KCNMB2: variants seen among roughly 807,000 people sequenced by gnomAD.
The protein encoded by KCNMB2 is potassium calcium-activated channel subfamily M regulatory beta subunit 2.
KCNMB2 carries 9 observed loss-of-function variants against 24.5 expected under a neutral mutation model. The observed-to-expected ratio is 0.37, with a 90% CI of 0.22 to 0.64. The LOEUF (loss-of-function observed/expected upper bound fraction) is 0.64. Among genes scored for constraint, KCNMB2 ranks in the 30% least tolerant of loss-of-function variants. The pLI is 0.63. For synonymous variants in KCNMB2, 109 were observed against 104.4 expected (o/e 1.04, Z -0.27); for missense variants, 226 against 284.3 (o/e 0.79, Z 1.47).
intron 1 of KCNMB2, among the ~76,000 whole-genome samples, chr3:178,623,992 A>G (rs1250631170): frequency 6.6e-6 from 1 of 152,202 alleles, no homozygotes; most frequent in Non-Finnish European, 1.5e-5. Flanking sequence ...GGTATGATAA[A>G]TTACATCAGA....
At chr3:178,637,172 C>A (rs1181446972) in intron 1 of KCNMB2, among the ~76,000 whole-genome samples, 2 of 152,106 alleles carry the variant, frequency 1.3e-5, no homozygotes, top group African/African-American at 4.8e-5. Flanking sequence ...CATATGCAAG[C>A]ATGTATCTTT....
intron 1 of KCNMB2, among the ~76,000 whole-genome samples, chr3:178,665,748 C>T (rs139687709): frequency 7.9e-5 from 12 of 152,242 alleles, no homozygotes; most frequent in East Asian, 1.9e-4. Flanking sequence ...TTTCTATCCT[C>T]GTACAGTTTA....
chr3:178,692,451 C>G (rs1445825597), intron 1 of KCNMB2, among the ~76,000 whole-genome samples: 1 of 152,152 alleles, frequency 6.6e-6, no homozygotes, highest in Admixed American at 6.5e-5. Flanking sequence ...CAATTTCAAT[C>G]TTCTGCATTT....
chr3:178,552,596 T>C (rs528039634), intron 1 of KCNMB2, among the ~76,000 whole-genome samples: 1 of 152,338 alleles, frequency 6.6e-6, no homozygotes, highest in South Asian at 2.1e-4. Flanking sequence ...TGCTTTTCTA[T>C]AAAATCACCT....
intron 1 of KCNMB2, among the ~76,000 whole-genome samples, chr3:178,785,411 G>T (rs1312822405): frequency 6.6e-6 from 1 of 151,734 alleles, no homozygotes; most frequent in Non-Finnish European, 1.5e-5. Flanking sequence ...ATTGATAATT[G>T]CCATACAGAA....
intron 1 of KCNMB2, among the ~76,000 whole-genome samples, chr3:178,706,528 C>A (rs1232521163): frequency 6.6e-6 from 1 of 152,004 alleles, no homozygotes; most frequent in Non-Finnish European, 1.5e-5. Flanking sequence ...GCCTTGTACC[C>A]CTTTCTAATC....
At chr3:178,816,171 A>C (rs567790171) in intron 2 of KCNMB2, among the ~76,000 whole-genome samples, 1 of 152,040 alleles carries the variant, frequency 6.6e-6, no homozygotes, top group Non-Finnish European at 1.5e-5. Flanking sequence ...TTAATGATTT[A>C]TAAGTATTTG....
chr3:178,802,833 G>C (rs1258196301), intron 1 of KCNMB2, among the ~76,000 whole-genome samples: 1 of 147,266 alleles, frequency 6.8e-6, no homozygotes, highest in Non-Finnish European at 1.5e-5. Flanking sequence ...ATCACCCTAT[G>C]TCTCAGAAAA....
At chr3:178,690,275 A>G (rs956952649) in intron 1 of KCNMB2, among the ~76,000 whole-genome samples, 1 of 152,124 alleles carries the variant, frequency 6.6e-6, no homozygotes, top group African/African-American at 2.4e-5. Flanking sequence ...CTTTTAATAT[A>G]CTATAATAAA....
In KCNMB2 at chr3:178,764,173, C is replaced by T. The variant is rs183384610; in HGVS notation, c.-67-43170C>T. On this transcript the variant is annotated intron_variant, in intron 1 of 4. Coordinates refer to ENST00000452583, the MANE Select transcript of KCNMB2 (RefSeq NM_181361.3). ...TCTCATTATTAAAAAGAAATAACTT[C>T]GCACATTTTGATCTTTGTGCAAATA... Among the ~76,000 whole-genome samples the T allele has an allele frequency of 7.9e-5, 12 of 152,278 alleles. No individual in the cohort carries two copies. In the East Asian group the frequency reaches 1.2e-3, roughly 15 times the overall value.
intron 1 of KCNMB2, among the ~76,000 whole-genome samples, chr3:178,611,741 T>G (rs1441901880): frequency 6.6e-6 from 1 of 151,944 alleles, no homozygotes; most frequent in East Asian, 1.9e-4. Context: ...AAAACCCTTT[T>G]TATTGCATTG....
At chr3:178,691,107 C>CTTTTTTT (rs71181241) in intron 1 of KCNMB2, among the ~76,000 whole-genome samples, 5,266 of 79,608 alleles carry the variant, frequency 0.066, 1,239 homozygotes, top group African/African-American at 0.2. Flanking sequence ...CCCATTAAGT[C>CTTTTTTT]TTTTTTTTTT....
chr3:178,760,741 C>A (rs1711827331), intron 1 of KCNMB2, among the ~76,000 whole-genome samples: 1 of 151,514 alleles, frequency 6.6e-6, no homozygotes, highest in Admixed American at 6.6e-5. Flanking sequence ...TTGAAATTGT[C>A]CCAAACAGCA....
At chr3:178,707,395 A>G (rs1722313026) in intron 1 of KCNMB2, among the ~76,000 whole-genome samples, 1 of 152,126 alleles carries the variant, frequency 6.6e-6, no homozygotes, top group African/African-American at 2.4e-5. Flanking sequence ...AAAAATCAGA[A>G]GTTTTGCTTC....
At chr3:178,562,570 A>G (rs755988944) in intron 1 of KCNMB2, among the ~76,000 whole-genome samples, 2 of 152,260 alleles carry the variant, frequency 1.3e-5, no homozygotes, top group Non-Finnish European at 2.9e-5. Flanking sequence ...TCAATAAACT[A>G]TACACTCTTC....
chr3:178,655,137 T>A (rs938799712), intron 1 of KCNMB2, among the ~76,000 whole-genome samples: 1 of 146,362 alleles, frequency 6.8e-6, no homozygotes, highest in Non-Finnish European at 1.5e-5. Context: ...TCTCTCTCTC[T>A]CTCTCTATCT....
intron 1 of KCNMB2, among the ~76,000 whole-genome samples, chr3:178,717,794 G>C (rs567750750): frequency 1.3e-5 from 2 of 151,984 alleles, no homozygotes; most frequent in Non-Finnish European, 2.9e-5. Flanking sequence ...AGACAGCCTC[G>C]GGATAACCTG....
chr3:178,583,084 C>T (rs1033043157), intron 1 of KCNMB2, among the ~76,000 whole-genome samples: 4 of 152,072 alleles, frequency 2.6e-5, no homozygotes, highest in African/African-American at 4.8e-5. Flanking sequence ...AAATAATGTG[C>T]TTTGAGTTCA....
intron 1 of KCNMB2, among the ~76,000 whole-genome samples, chr3:178,714,607 G>A (rs942630773): frequency 2.0e-5 from 3 of 152,224 alleles, no homozygotes; most frequent in African/African-American, 4.8e-5. Flanking sequence ...GCGCAGAAGT[G>A]AATGAGCCCA....
Sources: allele counts gnomAD v4.1 joint callset (sites outside exome capture counted in the v4.1 genomes callset), GRCh38; gene constraint gnomAD v4.1.1; transcripts MANE v1.5; gene names NCBI Gene and HGNC (gene_info 2026-07-23, HGNC 2026-07-21).